Variants in COL21A1 observed in about 807,000 individuals in gnomAD.
The protein encoded by COL21A1 is collagen alpha-1(XXI) chain.
COL21A1 carries 149 observed loss-of-function variants against 137.9 expected under a neutral mutation model. That is an observed-to-expected ratio of 1.08 (90% CI 0.95 to 1.24). The LOEUF is 1.24. Among genes scored for constraint, COL21A1 ranks in the 50% most tolerant of loss-of-function variants. COL21A1 has a pLI of 0.00. For synonymous variants in COL21A1, 456 were observed against 391.5 expected (o/e 1.16, Z -1.95); for missense variants, 1,167 against 1,158.4 (o/e 1.01, Z -0.11).
At chr6:56,373,098 A>G (rs1055445211) in intron 1 of COL21A1, among the ~76,000 whole-genome samples, 3 of 151,920 alleles carry the variant, frequency 2.0e-5, no homozygotes, top group Non-Finnish European at 4.4e-5. Flanking sequence ...CACTAATGTG[A>G]TGTCCAGCAT....
At chr6:56,201,216 A>C (rs1779387503) in intron 1 of COL21A1, among the ~76,000 whole-genome samples, 1 of 152,090 alleles carries the variant, frequency 6.6e-6, no homozygotes, top group African/African-American at 2.4e-5. Flanking sequence ...CCTTTGTCAG[A>C]TGAGTAGGCT....
intron 1 of COL21A1, among the ~76,000 whole-genome samples, chr6:56,314,174 A>G (rs987510509): frequency 3.3e-5 from 5 of 152,120 alleles, no homozygotes; most frequent in Non-Finnish European, 7.4e-5. Flanking sequence ...TAGTAGAGGC[A>G]GGGTTTCACC....
Position 56,077,187 on chromosome 6 carries a change from A to G in COL21A1, c.1857+342T>C, listed in dbSNP as rs539143081. ...AGTTTGTAATTAAATAAAAACTGAA[A>G]GTTTATTACCAAGCTATCTGTACTA... On this transcript the variant is annotated intron_variant, in intron 18 of 29. Coordinates refer to ENST00000244728, the MANE Select transcript of COL21A1 (RefSeq NM_030820.4). Among the ~76,000 whole-genome samples the G allele has an allele frequency of 2.8e-3, 427 of 151,534 alleles. 2 individuals are homozygous for G. The highest frequency in any genetic ancestry group is 5.0e-3 in the Non-Finnish European group (335 of 67,608).
chr6:56,221,538 C>T (rs1276996641), intron 1 of COL21A1, among the ~76,000 whole-genome samples: 1 of 151,984 alleles, frequency 6.6e-6, no homozygotes, highest in Non-Finnish European at 1.5e-5. Flanking sequence ...GTCTGGACGA[C>T]ATGGCAAGAC....
intron 1 of COL21A1, among the ~76,000 whole-genome samples, chr6:56,310,514 G>A (rs1260832960): frequency 3.3e-5 from 5 of 152,034 alleles, no homozygotes; most frequent in Non-Finnish European, 2.9e-5. Flanking sequence ...AAAGTGGGGA[G>A]GTCTACAAAG....
intron 21 of COL21A1, 66 bp from the exon 22 acceptor site, chr6:56,069,183 A>C: frequency 1.1e-6 from 1 of 900,578 alleles, no homozygotes; most frequent in Non-Finnish European, 1.7e-6. Context: ...CACTGTTTTT[A>C]TCTCTACATA....
intron 13 of COL21A1, 40 bp downstream of exon 13, chr6:56,126,056 A>T (rs1442175902): frequency 1.7e-5 from 21 of 1,262,822 alleles, no homozygotes; most frequent in Non-Finnish European, 2.3e-5. Context: ...TGAATTAAAA[A>T]ATGGCTTTGC....
intron 1 of COL21A1, among the ~76,000 whole-genome samples, chr6:56,370,314 G>A (rs1004106353): frequency 3.3e-5 from 5 of 152,012 alleles, no homozygotes; most frequent in African/African-American, 9.7e-5. Context: ...AGCTTCCACC[G>A]GCATCACGTC....
intron 10 of COL21A1, among the ~76,000 whole-genome samples, chr6:56,142,845 A>T (rs1214726579): frequency 6.6e-6 from 1 of 152,166 alleles, no homozygotes; most frequent in Admixed American, 6.5e-5. Context: ...ACCAGTCTTC[A>T]TTGTCAACTA....
chr6:56,115,284 TAAAGTA>T (rs1280261783), intron 16 of COL21A1, among the ~76,000 whole-genome samples: 1 of 132,734 alleles, frequency 7.5e-6, no homozygotes, highest in Admixed American at 7.9e-5. Context: ...CCCTAAAACT[TAAAGTA>T]TAATAATAAA....
At chr6:56,085,590 A>G (rs1768165593) in intron 17 of COL21A1, among the ~76,000 whole-genome samples, 1 of 152,086 alleles carries the variant, frequency 6.6e-6, no homozygotes, top group Non-Finnish European at 1.5e-5. Context: ...GTTCTCCTCC[A>G]GTAGGTAACT....
intron 1 of COL21A1, among the ~76,000 whole-genome samples, chr6:56,311,671 A>T: frequency 6.6e-6 from 1 of 152,218 alleles, no homozygotes; most frequent in East Asian, 1.9e-4. Context: ...TACCCACAAG[A>T]TGTTGAAACT....
chr6:56,097,874 TAAATATATAA>T (rs1769571453), intron 17 of COL21A1, among the ~76,000 whole-genome samples: 1 of 95,376 alleles, frequency 1.0e-5, no homozygotes, highest in Non-Finnish European at 2.0e-5. Flanking sequence ...AAAATATCTA[TAAATATATAA>T]ATATATATAA....
chr6:56,156,807 TTTAGA>T, intron 10 of COL21A1, 75 bp downstream of exon 10: 1 of 1,144,336 alleles, frequency 8.7e-7, no homozygotes. Flanking sequence ...TCCTTGTCTG[TTTAGA>T]TTTGCTCAGC....
At position 56,253,613 on chromosome 6, in the gene COL21A1, T is replaced by C. The variant is rs887122760; in HGVS notation, c.-38-70957A>G. The stretch of plus-strand genomic sequence containing the variant: ...AGGCCTACTTCTGTATTTTTCCCTA[T>C]GTGAGCATTTTTTGTTTAAGCTCAT... On this transcript the variant is annotated intron_variant, in intron 1 of 28. Transcript: ENST00000370819. 5.9e-5 allele frequency among the ~76,000 whole-genome samples: 9 copies of C among 152,182 alleles called. No individual in the cohort carries two copies. In the South Asian group the frequency reaches 1.2e-3, roughly 21 times the overall value.
At chr6:56,282,375 A>G (rs142396917) in intron 1 of COL21A1, among the ~76,000 whole-genome samples, 1 of 151,862 alleles carries the variant, frequency 6.6e-6, no homozygotes, top group African/African-American at 2.4e-5. Context: ...TGGTTTTTTC[A>G]TAATAACAAA....
intron 1 of COL21A1, among the ~76,000 whole-genome samples, chr6:56,282,837 A>T (rs1361965734): frequency 6.6e-6 from 1 of 152,200 alleles, no homozygotes. Context: ...AAGATTCCCC[A>T]CTACTGAAAA....
chr6:56,389,479 A>G (rs1208556364), intron 1 of COL21A1, among the ~76,000 whole-genome samples: 2 of 152,172 alleles, frequency 1.3e-5, no homozygotes, highest in Non-Finnish European at 2.9e-5. Context: ...TACTGGCCTT[A>G]AAGAGGATGT....
chr6:56,280,320 G>T (rs932249396), intron 1 of COL21A1, among the ~76,000 whole-genome samples: 2 of 152,102 alleles, frequency 1.3e-5, no homozygotes, highest in Non-Finnish European at 2.9e-5. Flanking sequence ...ACAGGACCAG[G>T]CTTTTATTGC....
Sources: allele counts gnomAD v4.1 joint callset (sites outside exome capture counted in the v4.1 genomes callset), GRCh38; gene constraint gnomAD v4.1.1; transcripts MANE v1.5; gene names NCBI Gene and HGNC (gene_info 2026-07-23, HGNC 2026-07-21).